CEP128: variants seen among roughly 807,000 people sequenced by gnomAD.
CEP128 encodes the protein centrosomal protein 128kDa.
A neutral mutation model predicts 156.7 loss-of-function variants in CEP128; 132 were observed. That is an observed-to-expected ratio of 0.84 (90% CI 0.73 to 0.97). The LOEUF (loss-of-function observed/expected upper bound fraction) is 0.97, where lower values mean the gene tolerates loss of function less well. Ranked by LOEUF, CEP128 falls within the 50% of genes least tolerant of loss-of-function variation. The pLI is 0.00. For missense variants in CEP128, 1,252 were observed against 1,281.9 expected (o/e 0.98, Z 0.36); for synonymous variants, 469 against 448.9 (o/e 1.04, Z -0.57).
rs541981683 is a variant in CEP128 at position 80,646,499 on chromosome 14, A to G, written c.2807-66076T>C. Among the ~76,000 whole-genome samples the G allele has an allele frequency of 1.3e-4, 20 of 152,148 alleles. No individual in the cohort carries two copies. In the South Asian group the frequency reaches 1.9e-3, roughly 14 times the overall value. On this transcript the variant is annotated intron_variant, in intron 19 of 24. Transcript: ENST00000555265. ...AAGTGAAGGTCAGATTGGGCAAAAC[A>G]TGCAGTTCTGAATCAATAATATAAT...
chr14:80,535,854 C>T (rs1437687332), intron 21 of CEP128, among the ~76,000 whole-genome samples: 3 of 152,054 alleles, frequency 2.0e-5, no homozygotes, highest in Non-Finnish European at 4.4e-5. Flanking sequence ...TTATTAAAAC[C>T]CCAGAAGCAC....
At chr14:80,570,426 T>C (rs1219589525) in intron 20 of CEP128, among the ~76,000 whole-genome samples, 1 of 152,140 alleles carries the variant, frequency 6.6e-6, no homozygotes, top group Non-Finnish European at 1.5e-5. Flanking sequence ...CATATGTTCT[T>C]ATTTTTAATG....
intron 19 of CEP128, among the ~76,000 whole-genome samples, chr14:80,588,362 A>T (rs1891906924): frequency 6.6e-6 from 1 of 152,080 alleles, no homozygotes; most frequent in African/African-American, 2.4e-5. Context: ...TCACAATGTA[A>T]ATATATCCTG....
At chr14:80,867,346 T>C (rs956054608) in intron 8 of CEP128, among the ~76,000 whole-genome samples, 1 of 152,216 alleles carries the variant, frequency 6.6e-6, no homozygotes, top group Non-Finnish European at 1.5e-5. Context: ...CAGAATGGCA[T>C]GCAATTTAAA....
At chr14:80,784,810 G>T in intron 15 of CEP128, 85 bp downstream of exon 15, 17 of 1,122,296 alleles carry the variant, frequency 1.5e-5, no homozygotes, top group Non-Finnish European at 2.0e-5. Context: ...AATACAGAAT[G>T]ATCTCTAAAA....
At chr14:80,824,099 A>T (rs1885341186) in intron 13 of CEP128, among the ~76,000 whole-genome samples, 1 of 152,186 alleles carries the variant, frequency 6.6e-6, no homozygotes, top group Non-Finnish European at 1.5e-5. Flanking sequence ...TGGGGCTTGC[A>T]CCCTCTAAAG....
At chr14:80,838,880 A>G (rs1886215865) in intron 10 of CEP128, among the ~76,000 whole-genome samples, 1 of 152,180 alleles carries the variant, frequency 6.6e-6, no homozygotes, top group South Asian at 2.1e-4. Context: ...AAAAAATGTG[A>G]CCAGTTCAGG....
chr14:80,646,558 C>T (rs1468549739), intron 19 of CEP128, among the ~76,000 whole-genome samples: 4 of 151,818 alleles, frequency 2.6e-5, no homozygotes, highest in Admixed American at 6.6e-5. Context: ...AAATGATTTG[C>T]CTAAATCTGT....
intron 19 of CEP128, among the ~76,000 whole-genome samples, chr14:80,617,892 C>A (rs573813377): frequency 3.3e-5 from 5 of 152,214 alleles, no homozygotes; most frequent in African/African-American, 1.2e-4. Context: ...TAAGCTCTAT[C>A]GGGCTGCATG....
At chr14:80,852,473 AT>A (rs1336283099) in intron 9 of CEP128, among the ~76,000 whole-genome samples, 1 of 151,966 alleles carries the variant, frequency 6.6e-6, no homozygotes, top group African/African-American at 2.4e-5. Context: ...AGCCTAAAAA[AT>A]AAAACAGAAT....
In CEP128 at chr14:80,900,032, A is replaced by AT; in HGVS notation, c.481-4_481-3insA. On this transcript the variant is annotated splice_region_variant and splice_polypyrimidine_tract_variant and intron_variant, in intron 6 of 24. Transcript: ENST00000555265. ...AGAGACTGATGAAAACCATGAAGCT[A>AT]GCAAAGGCAAAACACAGTTATCCAT... is the stretch of plus-strand genomic sequence containing the variant. 1 of 1,598,242 alleles carries AT rather than the reference A, an allele frequency of 6.3e-7. No individual in the cohort carries two copies. The highest frequency in any genetic ancestry group is 8.6e-7 in the Non-Finnish European group (1 of 1,167,464).
chr14:80,844,443 C>G (rs543433660), intron 9 of CEP128, among the ~76,000 whole-genome samples: 2 of 152,114 alleles, frequency 1.3e-5, no homozygotes, highest in African/African-American at 4.8e-5. Context: ...AATATTGATA[C>G]TATTATGATA....
intron 8 of CEP128, among the ~76,000 whole-genome samples, chr14:80,890,868 A>C (rs1400696042): frequency 6.6e-6 from 1 of 152,168 alleles, no homozygotes; most frequent in East Asian, 1.9e-4. Context: ...AGATCTAATA[A>C]TCTTATTTTT....
chr14:80,900,342 A>G (rs1381127666), intron 6 of CEP128, among the ~76,000 whole-genome samples: 1 of 152,212 alleles, frequency 6.6e-6, no homozygotes, highest in Admixed American at 6.5e-5. Flanking sequence ...AGCGAGAAAG[A>G]AGGAGAAAAC....
chr14:80,951,944 T>A (rs1266315638), intron 2 of CEP128, among the ~76,000 whole-genome samples: 1 of 151,576 alleles, frequency 6.6e-6, no homozygotes, highest in African/African-American at 2.4e-5. Context: ...AAAATAATAG[T>A]CCCAAACACG....
At chr14:80,660,020 C>T (rs1895332316) in intron 19 of CEP128, among the ~76,000 whole-genome samples, 1 of 152,042 alleles carries the variant, frequency 6.6e-6, no homozygotes, top group African/African-American at 2.4e-5. Context: ...CTGTGTTGAC[C>T]AGGGATTGCA....
intron 19 of CEP128, among the ~76,000 whole-genome samples, chr14:80,590,710 T>G (rs1892018572): frequency 6.6e-6 from 1 of 152,108 alleles, no homozygotes; most frequent in Admixed American, 6.5e-5. Flanking sequence ...CTTTTGAATT[T>G]TCTAGACTAT....
intron 19 of CEP128, among the ~76,000 whole-genome samples, chr14:80,719,084 C>T (rs1897716809): frequency 6.6e-6 from 1 of 152,182 alleles, no homozygotes; most frequent in African/African-American, 2.4e-5. Flanking sequence ...TAGGTGCCCT[C>T]ATTGCTCATT....
rs143409828 is a variant in CEP128, at chr14:80,654,620, A to G, written c.2807-74197T>C. Among the ~76,000 whole-genome samples the G allele has an allele frequency of 1.5e-3, 234 of 152,236 alleles. 1 individual carries two copies. Among genetic ancestry groups the G allele is most frequent in the African/African-American group, 5.2e-3 (218 of 41,548 alleles). On this transcript the variant is annotated intron_variant, in intron 19 of 24. Transcript: ENST00000555265. ...AATGGTGTCTCCAATATCATTAGTG[A>G]CCTAACTGCCAAGTGCAATGTCCTT...
Sources: gnomAD v4.1 joint callset for allele counts (sites outside exome capture counted in the v4.1 genomes callset) on GRCh38, gnomAD v4.1.1 for gene constraint, MANE v1.5 for transcripts, NCBI Gene and HGNC (gene_info 2026-07-23, HGNC 2026-07-21) for gene names.